The following CHERP variants were observed in gnomAD, a reference collection of about 807,000 sequenced individuals.
CHERP encodes the protein ERPROT 213-21.
Under a neutral mutation model 113.8 loss-of-function variants are expected in CHERP, and 8 were observed. That is an observed-to-expected ratio of 0.07 (90% CI 0.04 to 0.13). The LOEUF (loss-of-function observed/expected upper bound fraction) is 0.13. Ranked by LOEUF, CHERP falls within the 10% of genes least tolerant of loss-of-function variation. The probability of loss-of-function intolerance (pLI) is 1.00; values close to 1 mark genes in which losing one functional copy is unlikely to be tolerated. For missense variants in CHERP, 884 were observed against 1,298.2 expected (o/e 0.68, Z 4.90); for synonymous variants, 559 against 524.5 (o/e 1.07, Z -0.90).
chr19:16,530,981 G>A lies in CHERP; in HGVS notation c.675-101C>T, dbSNP rs1414443660. The A allele has an allele frequency of 8.6e-6, 13 of 1,506,364 alleles. No homozygotes were observed. Among genetic ancestry groups the A allele is most frequent in the East Asian group, 2.5e-5 (1 of 40,782 alleles). The allele number at this position is 1,506,364 out of a possible 1,614,324, so 93.3% of individuals were successfully genotyped here. ...CAGCCTCAGCGCCCTCTGCCTTCTC[G>A]GGAATCGGGTCCCCAACCCGGTCAG... On this transcript the variant is annotated intron_variant, in intron 5 of 16. Transcript: ENST00000546361. This position sits in a 1 kb window ranked among gnomAD's most constrained non-coding sequence, Gnocchi z 4.1.
At position 16,519,324 on chromosome 19, in the gene CHERP, C is replaced by A; in HGVS notation, c.2586G>T (p.Ala862=). 1 of 1,613,210 alleles carries A rather than the reference C, an allele frequency of 6.2e-7. No individual in the cohort carries two copies. Among genetic ancestry groups the A allele is most frequent in the Non-Finnish European group, 8.5e-7 (1 of 1,179,892 alleles). The part of the protein sequence containing the change: ...MGWSGSGGLG[A]KEQGIQDPIK... ...TGGGGTCCTGGATCCCTTGCTCCTTCGCACCGAGGCCGCCTGAGCCGCTCC... is the reference window on the plus strand; with the variant it reads ...TGGGGTCCTGGATCCCTTGCTCCTTAGCACCGAGGCCGCCTGAGCCGCTCC... The change falls in exon 17 of 17, where the codon GCG becomes GCT. Residue 862 remains alanine (A), a synonymous_variant. Transcript: ENST00000546361. This position sits in a 1 kb window ranked among gnomAD's most constrained non-coding sequence, Gnocchi z 6.0.
chr19:16,523,358 G>A lies in CHERP; in HGVS notation c.1742-68C>T. ...ATCTCCCAGGCGACAAGTGCTGGAG[G>A]GGAGGGGCTCAGTGAAGGGCCAGGA... is the stretch of plus-strand genomic sequence containing the variant. On this transcript the variant is annotated intron_variant, in intron 10 of 16. Transcript: ENST00000546361. The surrounding 1 kb of genome is among the most constrained non-coding windows in gnomAD (Gnocchi z 4.0). 1.3e-6 allele frequency: 2 copies of A among 1,576,208 alleles called. No individual in the cohort carries two copies. The highest frequency in any genetic ancestry group is 1.1e-5 in the South Asian group (1 of 88,034).
chr19:16,531,431 A>G (rs964131534), intron 5 of CHERP, among the ~76,000 whole-genome samples: 1 of 152,072 alleles, frequency 6.6e-6, no homozygotes, highest in Admixed American at 6.5e-5. Flanking sequence ...GCTGCTGTGC[A>G]GTGCTGCACA....
At chr19:16,531,168 C>T (rs976649734) in intron 5 of CHERP, among the ~76,000 whole-genome samples, 1 of 152,228 alleles carries the variant, frequency 6.6e-6, no homozygotes, top group Non-Finnish European at 1.5e-5. Context: ...TTCCCTCCTT[C>T]CCTCTTGGGT....
At chr19:16,541,820 C>T (rs2085782071) in intron 2 of CHERP, 50 bp downstream of exon 2, 1 of 1,575,930 alleles carries the variant, frequency 6.3e-7, no homozygotes, top group Non-Finnish European at 8.6e-7. Context: ...GACTGGAATC[C>T]GAGAAAGGAA....
chr19:16,539,127 C>T (rs1213272414), intron 2 of CHERP, among the ~76,000 whole-genome samples: 1 of 151,734 alleles, frequency 6.6e-6, no homozygotes, highest in East Asian at 1.9e-4. Context: ...CTTGTGGCTT[C>T]CCGCTGCCTT....
Position 16,535,730 on chromosome 19 carries a change from C to T in CHERP, c.200-94G>A, listed in dbSNP as rs1434557359. The T allele has an allele frequency of 8.2e-6, 10 of 1,216,964 alleles. No individual in the cohort carries two copies. In the Admixed American group the frequency reaches 2.9e-4, roughly 35 times the overall value. 75.4% of individuals were successfully genotyped at this position (1,216,964 alleles called of 1,614,324 possible). A position where few individuals can be genotyped will look rare whatever the true frequency, so the allele number is the denominator to read the frequency against. ...TCTCAGCCACAGGGGCCTCCCCCTC[C>T]CCAGGGACTCACCATCCACGAGGGC... On this transcript the variant is annotated intron_variant, in intron 2 of 16. Coordinates refer to ENST00000546361, the MANE Select transcript of CHERP (RefSeq NM_006387.6). The surrounding 1 kb of genome is among the most constrained non-coding windows in gnomAD (Gnocchi z 4.3).
Position 16,523,070 on chromosome 19 carries a change from C to A in CHERP, c.1962G>T (p.Leu654=). The A allele has an allele frequency of 2.0e-6, 3 of 1,515,008 alleles. No homozygotes were observed. Among genetic ancestry groups the A allele is most frequent in the Non-Finnish European group, 2.6e-6 (3 of 1,135,070 alleles). 93.8% of individuals were successfully genotyped at this position (1,515,008 alleles called of 1,614,324 possible). A position where few individuals can be genotyped will look rare whatever the true frequency, so the allele number is the denominator to read the frequency against. ...NVPYFDLPAG[L]MAPLVKLEDH... Reference sequence around the variant, plus strand: ...GCATTACCTTCACGAGGGGGGCCATCAGCCCAGCAGGGAGATCGAAGTAGG... The same window carrying A: ...GCATTACCTTCACGAGGGGGGCCATAAGCCCAGCAGGGAGATCGAAGTAGG... The change falls in exon 11 of 17, where the codon CTG becomes CTT. Residue 654 remains leucine (L), a synonymous_variant. Transcript: ENST00000546361. This position sits in a 1 kb window ranked among gnomAD's most constrained non-coding sequence, Gnocchi z 4.0.
In CHERP at chr19:16,528,127, G is replaced by T; in HGVS notation, c.1258C>A (p.Pro420Thr). The change falls in exon 9 of 17, where the codon CCT becomes ACT. Residue 420 changes from proline (P) to threonine (T), a missense_variant. Coordinates refer to ENST00000546361, the MANE Select transcript of CHERP (RefSeq NM_006387.6). ...ACGGGGTGAGGCTGGTCAAACCAAG[G>T]GGGCTTGTTTGGTGGGATCTGGTCG... The part of the protein sequence containing the change: ...PHDQIPPNKP[P>T]WFDQPHPVAP... 1 of 1,613,812 alleles carries T rather than the reference G, an allele frequency of 6.2e-7. No individual in the cohort carries two copies. Among genetic ancestry groups the T allele is most frequent in the Non-Finnish European group, 8.5e-7 (1 of 1,179,964 alleles).
rs1391972739 is a variant in CHERP at position 16,517,944 on chromosome 19, A to G, written c.*1215T>C. The G allele has an allele frequency of 1.3e-5, 2 of 152,288 alleles. No homozygotes were observed. Among genetic ancestry groups the G allele is most frequent in the African/African-American group, 4.8e-5 (2 of 41,470 alleles). The allele number at this position is 152,288 out of a possible 1,614,324, so 9.4% of individuals were successfully genotyped here. A position where few individuals can be genotyped will look rare whatever the true frequency, so the allele number is the denominator to read the frequency against. On this transcript the variant is annotated 3_prime_UTR_variant, in exon 17 of 17. Transcript: ENST00000546361. ...GGCAAAACAATGAAATCCACAAGAAATTACTAACAGCACGTGTTTACGTTT... is the reference window on the plus strand; with the variant it reads ...GGCAAAACAATGAAATCCACAAGAAGTTACTAACAGCACGTGTTTACGTTT...
At chr19:16,529,951 T>G (rs770267666) in intron 7 of CHERP, 51 bp from the exon 8 acceptor site, 1 of 1,569,276 alleles carries the variant, frequency 6.4e-7, no homozygotes, top group East Asian at 2.3e-5. Context: ...TGGGGCTCGC[T>G]GCCTGGCGCC....
At position 16,519,198 on chromosome 19, in the gene CHERP, G is replaced by A. The variant is rs1405031112; in HGVS notation, c.2712C>T (p.Ser904=). Residue 904 remains serine, a synonymous_variant, in exon 17 of 17, where the codon TCC becomes TCT. Transcript: ENST00000546361. This position sits in a 1 kb window ranked among gnomAD's most constrained non-coding sequence, Gnocchi z 6.0. ...YENYRRNKSY[S]FIARMKARDE... is the part of the protein sequence containing the mutation. Reference sequence around the variant, plus strand: ...CCCTGGCCTTCATGCGGGCGATGAAGGAGTAGCTCTTGTTCCTGCGGTAGT... The same window carrying A: ...CCCTGGCCTTCATGCGGGCGATGAAAGAGTAGCTCTTGTTCCTGCGGTAGT... 3 of 1,613,894 alleles carry A rather than the reference G, an allele frequency of 1.9e-6. No individual in the cohort carries two copies. The highest frequency in any genetic ancestry group is 1.1e-5 in the South Asian group (1 of 91,086).
Position 16,529,788 on chromosome 19 carries a change from T to C in CHERP, c.989A>G (p.Gln330Arg), listed in dbSNP as rs1316414716. 3.7e-6 allele frequency: 6 copies of C among 1,613,398 alleles called. No homozygotes were observed. The highest frequency in any genetic ancestry group is 5.1e-6 in the Non-Finnish European group (6 of 1,179,888). The stretch of plus-strand genomic sequence containing the variant: ...CTGCTGTTGCTGCTGCTGCTGCTGC[T>C]GGGCCAGGCTGGTGACAAACTCCTC... ...QHEEFVTSLA[Q>R]QQQQQQQQQQ... Residue 330 changes from glutamine to arginine, a missense_variant, in exon 8 of 17, where the codon CAG becomes CGG. Coordinates refer to ENST00000546361, the MANE Select transcript of CHERP (RefSeq NM_006387.6).
Position 16,542,220 on chromosome 19 carries a change from A to ACGGGAGAGGCCG in CHERP, c.25+122_25+133dup. The ACGGGAGAGGCCG allele has an allele frequency of 6.4e-6, 7 of 1,087,206 alleles. No individual in the cohort carries two copies. The South Asian group carries it at 1.4e-4, about 21-fold the overall frequency. 67.3% of individuals were successfully genotyped at this position (1,087,206 alleles called of 1,614,324 possible). ...ACGCTCGCCGGGAATGCGGGGACCCACGGGAGAGGCCGCAGGCGAAGCCGC... is the reference window on the plus strand; with the variant it reads ...ACGCTCGCCGGGAATGCGGGGACCCACGGGAGAGGCCGCGGGAGAGGCCGCAGGCGAAGCCGC... On this transcript the variant is annotated intron_variant, in intron 1 of 16. Transcript: ENST00000546361.
Position 16,529,785 on chromosome 19 carries a change from T to G in CHERP, c.992A>C (p.Gln331Pro). Residue 331 changes from glutamine (Q) to proline (P), a missense_variant, in exon 8 of 17, where the codon CAG (glutamine) becomes CCG (proline). Around this residue, in one of 8 missense-constraint regions of CHERP, gnomAD observed 464 missense variants for 590.1 expected, o/e 0.79. Coordinates refer to ENST00000546361, the MANE Select transcript of CHERP (RefSeq NM_006387.6). ...HEEFVTSLAQ[Q>P]QQQQQQQQQQ... Reference sequence around the variant, plus strand: ...CTGCTGCTGTTGCTGCTGCTGCTGCTGCTGGGCCAGGCTGGTGACAAACTC... The same window carrying G: ...CTGCTGCTGTTGCTGCTGCTGCTGCGGCTGGGCCAGGCTGGTGACAAACTC... The G allele has an allele frequency of 6.2e-7, 1 of 1,613,290 alleles. No individual in the cohort carries two copies.
At chr19:16,524,596 A>G (rs1044460879) in intron 10 of CHERP, among the ~76,000 whole-genome samples, 10 of 151,862 alleles carry the variant, frequency 6.6e-5, no homozygotes, top group African/African-American at 1.9e-4. Context: ...AATAAAATCA[A>G]TAACAAAGAT....
chr19:16,534,907 C>T (rs1230785193), intron 3 of CHERP, among the ~76,000 whole-genome samples: 1 of 152,146 alleles, frequency 6.6e-6, no homozygotes, highest in African/African-American at 2.4e-5. Context: ...GAAACTCCAT[C>T]TCTACTACAA....
chr19:16,520,371 TGGAGCGGGAGTAGGAACGGGAGCA>T lies in CHERP; in HGVS notation c.2314_2337del (p.Cys772_Ser779del). The T allele has an allele frequency of 6.2e-7, 1 of 1,612,374 alleles. No individual in the cohort carries two copies. The highest frequency in any genetic ancestry group is 2.2e-5 in the East Asian group (1 of 44,856). ...GAGGCAGCCTCTGCCTACCTAGATC[TGGAGCGGGAGTAGGAACGGGAGCA>T]GGAGCGCGACCTTGACCTTGAGTAC... is the stretch of plus-strand genomic sequence containing the variant. On this transcript the variant is annotated inframe_deletion, in exon 14 of 17. Coordinates refer to ENST00000546361, the MANE Select transcript of CHERP (RefSeq NM_006387.6). The surrounding 1 kb of genome is among the most constrained non-coding windows in gnomAD (Gnocchi z 4.0).
rs767656299 is a variant in CHERP, at chr19:16,519,157, G to A, written c.*2C>T. ...CACCGGCGCGGCTCCCGGCATGGGC[G>A]CCTACTTACACTCGTCCCTGGCCTT... On this transcript the variant is annotated 3_prime_UTR_variant, in exon 17 of 17. Transcript: ENST00000546361. The surrounding 1 kb of genome is among the most constrained non-coding windows in gnomAD (Gnocchi z 6.0). 13 of 1,611,524 alleles carry A rather than the reference G, an allele frequency of 8.1e-6. No individual in the cohort carries two copies. The highest frequency in any genetic ancestry group is 7.7e-5 in the South Asian group (7 of 90,732).
Sources: gnomAD v4.1 joint callset for allele counts (sites outside exome capture counted in the v4.1 genomes callset) on GRCh38, gnomAD v4.1.1 for gene constraint, gnomAD v4.1.1 regional missense constraint, Gnocchi (gnomAD v3.1) non-coding constraint, MANE v1.5 for transcripts, NCBI Gene and HGNC (gene_info 2026-07-23, HGNC 2026-07-21) for gene names.